WASF3: variants seen among roughly 807,000 people sequenced by gnomAD.
WASF3 encodes the protein WASP family member 3.
Under a neutral mutation model 46.6 loss-of-function variants are expected in WASF3, and 11 were observed. The observed-to-expected ratio is 0.24, with a 90% CI of 0.15 to 0.39. WASF3 has a LOEUF of 0.39. WASF3 is among the 10% of genes least tolerant of loss of function. The probability of loss-of-function intolerance (pLI) is 1.00; values close to 1 mark genes in which losing one functional copy is unlikely to be tolerated. For missense variants in WASF3, 576 were observed against 669.8 expected (o/e 0.86, Z 1.55); for synonymous variants, 242 against 259.7 (o/e 0.93, Z 0.65).
chr13:26,682,461 G>C lies in WASF3; in HGVS notation c.984-146G>C. 1 of 878,742 alleles carries C rather than the reference G, an allele frequency of 1.1e-6. No individual in the cohort carries two copies. The highest frequency in any genetic ancestry group is 1.5e-5 in the South Asian group (1 of 65,332). 54.4% of individuals were successfully genotyped at this position (878,742 alleles called of 1,614,324 possible). ...AAACTGTGAAAATAACTGACCCAAG[G>C]TGTGCATGTTTGCATCCTGCCATGA... On this transcript the variant is annotated intron_variant, in intron 8 of 9. Coordinates refer to ENST00000335327, the MANE Select transcript of WASF3 (RefSeq NM_006646.6). This position sits in a 1 kb window ranked among gnomAD's most constrained non-coding sequence, Gnocchi z 4.4.
Position 26,614,065 on chromosome 13 carries a change from C to T in WASF3, c.-11+1007C>T, listed in dbSNP as rs114031730. ...ATGAGAGGATGTATATGGAATTTTC[C>T]TTTTCTTTCTTTCTTTTTTCTTTTG... On this transcript the variant is annotated intron_variant, in intron 2 of 9. Transcript: ENST00000335327. Among the ~76,000 whole-genome samples the T allele has an allele frequency of 5.6e-3, 853 of 152,142 alleles. 9 individuals carry two copies. The highest frequency in any genetic ancestry group is 0.02 in the African/African-American group (812 of 41,480).
upstream of WASF3, among the ~76,000 whole-genome samples, chr13:26,554,737 A>G (rs1330058594): frequency 6.6e-6 from 1 of 152,126 alleles, no homozygotes; most frequent in African/African-American, 2.4e-5. Flanking sequence ...ATTTCTTTTT[A>G]TCATGAAATA....
chr13:26,561,460 G>A (rs1435332294), intron 1 of WASF3, among the ~76,000 whole-genome samples: 1 of 152,028 alleles, frequency 6.6e-6, no homozygotes, highest in Non-Finnish European at 1.5e-5. Context: ...AAAGATTATG[G>A]GTCACACTTG....
At chr13:26,605,187 A>G (rs1284570805) in intron 1 of WASF3, among the ~76,000 whole-genome samples, 1 of 152,146 alleles carries the variant, frequency 6.6e-6, no homozygotes. Context: ...ACCAGTCCAC[A>G]TTTGTATTTA....
At chr13:26,561,535 A>C (rs887329319) in intron 1 of WASF3, among the ~76,000 whole-genome samples, 2 of 152,130 alleles carry the variant, frequency 1.3e-5, no homozygotes, top group Admixed American at 1.3e-4. Context: ...GGATCCAGAT[A>C]ATCAGGAGTT....
At chr13:26,676,223 A>G (rs1306737442) in intron 6 of WASF3, among the ~76,000 whole-genome samples, 6 of 152,230 alleles carry the variant, frequency 3.9e-5, no homozygotes, top group Non-Finnish European at 8.8e-5. Flanking sequence ...TTGTTCACCC[A>G]TGTAATATAG....
intron 1 of WASF3, among the ~76,000 whole-genome samples, chr13:26,590,053 C>A (rs1880243959): frequency 6.6e-6 from 1 of 152,204 alleles, no homozygotes; most frequent in Admixed American, 6.5e-5. Context: ...AAAGCTGCAA[C>A]TGAAGACCCA....
At chr13:26,590,875 ACATG>A (rs1880271326) in intron 1 of WASF3, among the ~76,000 whole-genome samples, 1 of 152,224 alleles carries the variant, frequency 6.6e-6, no homozygotes, top group Non-Finnish European at 1.5e-5. Context: ...TAAATTATTC[ACATG>A]TAGCATATTA....
the WASF3 span, among the ~76,000 whole-genome samples, chr13:26,550,913 C>T: frequency 4.6e-5 from 7 of 152,166 alleles, no homozygotes; most frequent in Non-Finnish European, 1.0e-4. Flanking sequence ...ATCTTCCTAA[C>T]GCTGTCCCCA....
At chr13:26,635,867 T>A (rs962131553) in intron 2 of WASF3, among the ~76,000 whole-genome samples, 8 of 152,348 alleles carry the variant, frequency 5.3e-5, no homozygotes, top group African/African-American at 1.9e-4. Context: ...TGCTGCCTGA[T>A]GCGTCCTCTG....
At chr13:26,613,626 C>T (rs970052906) in intron 2 of WASF3, among the ~76,000 whole-genome samples, 5 of 152,012 alleles carry the variant, frequency 3.3e-5, no homozygotes, top group South Asian at 2.1e-4. Context: ...AACAATTAGT[C>T]GGGTGTGGTG....
Position 26,671,852 on chromosome 13 carries a change from T to C in WASF3, c.423-20T>C. ...TCTAACAATCTTTTCTTCCCTGACTTACAATACATTGATTTGTAGAGATGA... is the reference window on the plus strand; with the variant it reads ...TCTAACAATCTTTTCTTCCCTGACTCACAATACATTGATTTGTAGAGATGA... On this transcript the variant is annotated intron_variant, in intron 5 of 9. Transcript: ENST00000335327. 6.6e-7 allele frequency: 1 copy of C among 1,509,388 alleles called. No homozygotes were observed. The highest frequency in any genetic ancestry group is 9.0e-7 in the Non-Finnish European group (1 of 1,112,626). The allele number at this position is 1,509,388 out of a possible 1,614,324, so 93.5% of individuals were successfully genotyped here. A position where few individuals can be genotyped will look rare whatever the true frequency, so the allele number is the denominator to read the frequency against.
At chr13:26,548,485 C>T in the WASF3 span, among the ~76,000 whole-genome samples, 2 of 152,098 alleles carry the variant, frequency 1.3e-5, no homozygotes, top group Non-Finnish European at 2.9e-5. Flanking sequence ...CATCTCCTTG[C>T]CTCCTTTCTC....
chr13:26,545,418 T>C, the WASF3 span, among the ~76,000 whole-genome samples: 1 of 152,196 alleles, frequency 6.6e-6, no homozygotes, highest in Non-Finnish European at 1.5e-5. Context: ...TTTTGACTTG[T>C]TAGTCTCCAT....
In WASF3 at chr13:26,681,212, C is replaced by T. The variant is rs547630336; in HGVS notation, c.875C>T (p.Ser292Leu). The change falls in exon 8 of 10, where the codon TCG (serine) becomes TTG (leucine). Residue 292 changes from serine to leucine, a missense_variant. Ser to Leu is a moderately radical substitution (Grantham distance 145, BLOSUM62 -2). This residue lies in a region of WASF3 where 295 missense variants were observed against 291.5 expected (regional missense o/e 1.01). Coordinates refer to ENST00000335327, the MANE Select transcript of WASF3 (RefSeq NM_006646.6). ...CATGAGTACCGGCCCCCATCTGCCT[C>T]GGCGAGGCACATGGCCCTCAACAGA... ...AEHEYRPPSA[S>L]ARHMALNRPQ... is the part of the protein sequence containing the mutation. 1.6e-5 allele frequency: 26 copies of T among 1,614,062 alleles called. No homozygotes were observed. Among genetic ancestry groups the T allele is most frequent in the Middle Eastern group, 1.6e-4 (1 of 6,062 alleles).
chr13:26,602,329 T>C (rs1245158459), intron 1 of WASF3, among the ~76,000 whole-genome samples: 2 of 152,256 alleles, frequency 1.3e-5, no homozygotes, highest in Non-Finnish European at 1.5e-5. Context: ...TAGAAATGTT[T>C]TTGGCAATAA....
chr13:26,667,566 C>G lies in WASF3; in HGVS notation c.318C>G (p.Val106=). ...AAAAAGCTTTCAAAAGTTCCACAGT[C>G]CAAGACCAGCAAGTGGTTTCAAAGA... ...NMKKAFKSST[V]QDQQVVSKNS... Residue 106 remains valine, a synonymous_variant, in exon 5 of 10, where the codon GTC becomes GTG. Transcript: ENST00000335327. The G allele has an allele frequency of 1.2e-6, 2 of 1,614,118 alleles. No homozygotes were observed. The highest frequency in any genetic ancestry group is 8.5e-7 in the Non-Finnish European group (1 of 1,180,000).
At chr13:26,544,759 C>T in the WASF3 span, among the ~76,000 whole-genome samples, 1 of 152,132 alleles carries the variant, frequency 6.6e-6, no homozygotes, top group Non-Finnish European at 1.5e-5. Flanking sequence ...TGCAGGACTC[C>T]ACGTCAAGTG....
At chr13:26,558,291 C>G (rs761146953) in intron 1 of WASF3, among the ~76,000 whole-genome samples, 23 of 152,080 alleles carry the variant, frequency 1.5e-4, no homozygotes, top group Non-Finnish European at 2.6e-4. Flanking sequence ...TCCGCGTGCC[C>G]CCCGGCCCCA....
Sources: allele counts gnomAD v4.1 joint callset (sites outside exome capture counted in the v4.1 genomes callset), GRCh38; gene constraint gnomAD v4.1.1; regional missense constraint gnomAD v4.1.1; non-coding constraint Gnocchi (gnomAD v3.1); transcripts MANE v1.5; gene names NCBI Gene and HGNC (gene_info 2026-07-23, HGNC 2026-07-21).